TTC4: variants seen among roughly 807,000 people sequenced by gnomAD.
The protein encoded by TTC4 is tetratricopeptide repeat domain 4.
TTC4 carries 36 observed loss-of-function variants against 51.9 expected under a neutral mutation model. That is an observed-to-expected ratio of 0.69 (90% confidence interval 0.53 to 0.92). The LOEUF (loss-of-function observed/expected upper bound fraction) is 0.92. Among genes scored for constraint, TTC4 ranks in the 40% least tolerant of loss-of-function variants. The probability of loss-of-function intolerance (pLI) is 0.00; values close to 1 mark genes in which losing one functional copy is unlikely to be tolerated. For synonymous variants in TTC4, 144 were observed against 164.2 expected (o/e 0.88, Z 0.94); for missense variants, 399 against 454.6 (o/e 0.88, Z 1.11).
chr1:54,723,536 T>G lies in TTC4; in HGVS notation c.594+737T>G, dbSNP rs7527757. Among the ~76,000 whole-genome samples the G allele has an allele frequency of 1.5e-3, 228 of 152,322 alleles. 1 individual carries two copies. The highest frequency in any genetic ancestry group is 5.1e-3 in the African/African-American group (211 of 41,578). On this transcript the variant is annotated intron_variant, in intron 5 of 9. Transcript: ENST00000371281. ...AGTTCTGGCTTTCTATTAACAGGCA[T>G]GTAAGACAGTATTACACAGTGGCTA...
intron 8 of TTC4, 29 bp downstream of exon 8, chr1:54,733,739 T>C: frequency 7.2e-7 from 1 of 1,388,166 alleles, no homozygotes; most frequent in Non-Finnish European, 9.8e-7. Flanking sequence ...CGTTCCTCTA[T>C]GGAATTAATT....
chr1:54,718,695 G>C (rs1280291222), intron 3 of TTC4, among the ~76,000 whole-genome samples: 1 of 152,202 alleles, frequency 6.6e-6, no homozygotes, highest in African/African-American at 2.4e-5. Context: ...CCAACATCAT[G>C]CAGGTTCTGT....
chr1:54,718,897 G>A (rs1645708868), intron 3 of TTC4, among the ~76,000 whole-genome samples: 1 of 152,116 alleles, frequency 6.6e-6, no homozygotes, highest in African/African-American at 2.4e-5. Flanking sequence ...AATGTGCTGT[G>A]TACTCAGTGG....
Position 54,736,243 on chromosome 1 carries a change from AGAG to A in TTC4, c.979-1335_979-1333del, listed in dbSNP as rs1557753127. On this transcript the variant is annotated intron_variant, in intron 8 of 9. Transcript: ENST00000371281. The stretch of plus-strand genomic sequence containing the variant: ...GAGAGAAGAGGAGAGGAGAGAGAAG[AGAG>A]GAGAGAGGAGAGAGAGAGAGAGAGA... 5.3e-4 allele frequency among the ~76,000 whole-genome samples: 64 copies of A among 121,634 alleles called. 3 individuals carry two copies. The highest frequency in any genetic ancestry group is 2.4e-3 in the African/African-American group (57 of 23,894). The allele number at this position is 121,634 out of a possible 152,430, so 79.8% of individuals were successfully genotyped here. A position where few individuals can be genotyped will look rare whatever the true frequency, so the allele number is the denominator to read the frequency against.
At chr1:54,733,093 C>CAA (rs147513724) in intron 7 of TTC4, among the ~76,000 whole-genome samples, 24 of 133,250 alleles carry the variant, frequency 1.8e-4, no homozygotes, top group East Asian at 1.3e-3. Flanking sequence ...GACTTTGTCT[C>CAA]AAAAAAAAAA....
chr1:54,733,935 T>C (rs982057775), intron 8 of TTC4, among the ~76,000 whole-genome samples: 7 of 152,224 alleles, frequency 4.6e-5, no homozygotes, highest in Non-Finnish European at 8.8e-5. Flanking sequence ...CAAAACTTTT[T>C]CATCTTCCCA....
Position 54,731,562 on chromosome 1 carries a change from T to C in TTC4, c.758T>C (p.Leu253Pro), listed in dbSNP as rs1557749577. 2.5e-6 allele frequency: 4 copies of C among 1,614,076 alleles called. No homozygotes were observed. Among genetic ancestry groups the C allele is most frequent in the Non-Finnish European group, 2.5e-6 (3 of 1,180,002 alleles). ...TCAGAAGGTCTAGGTGAGCTTTTCC[T>C]GGATGGACTCAGCACTGAGAACCCC... ...SASEGLGELFLDGLSTENPHG... is the reference protein window; with the variant it reads ...SASEGLGELFPDGLSTENPHG... The change falls in exon 7 of 10, where the codon CTG (leucine) becomes CCG (proline). Residue 253 changes from leucine to proline, a missense_variant. Physicochemically the swap from Leu to Pro is moderately conservative, Grantham distance 98. Coordinates refer to ENST00000371281, the MANE Select transcript of TTC4 (RefSeq NM_004623.5).
At chr1:54,716,536 T>A (rs976759508) in intron 1 of TTC4, 64 bp from the exon 2 acceptor site, 2 of 1,317,990 alleles carry the variant, frequency 1.5e-6, no homozygotes, top group Non-Finnish European at 2.1e-6. Flanking sequence ...TGGTAATGAG[T>A]CATGGAATTG....
intron 9 of TTC4, among the ~76,000 whole-genome samples, chr1:54,740,559 A>G (rs1645999506): frequency 6.6e-6 from 1 of 152,156 alleles, no homozygotes; most frequent in South Asian, 2.1e-4. Flanking sequence ...TGCTTGGAGG[A>G]AACCCGTTTC....
chr1:54,728,249 T>C, intron 5 of TTC4, 97 bp from the exon 6 acceptor site: 1 of 1,090,446 alleles, frequency 9.2e-7, no homozygotes, highest in Non-Finnish European at 1.3e-6. Flanking sequence ...GGAGCTTGGG[T>C]TGGATAGAGG....
chr1:54,718,462 T>G (rs761928378), intron 3 of TTC4, among the ~76,000 whole-genome samples: 4 of 152,306 alleles, frequency 2.6e-5, no homozygotes, highest in Non-Finnish European at 4.4e-5. Flanking sequence ...TTGCCCGGGC[T>G]GGTCTCGAAA....
At chr1:54,718,159 T>G (rs562446259) in intron 3 of TTC4, among the ~76,000 whole-genome samples, 2 of 152,166 alleles carry the variant, frequency 1.3e-5, no homozygotes, top group Admixed American at 6.5e-5. Context: ...GACAGGAGGA[T>G]CGCCTGAGGC....
intron 6 of TTC4, among the ~76,000 whole-genome samples, chr1:54,729,028 G>A (rs562534038): frequency 6.6e-6 from 1 of 152,066 alleles, no homozygotes; most frequent in South Asian, 2.1e-4. Context: ...TGGCATATCC[G>A]AATTGCCAGC....
At chr1:54,723,323 T>C (rs1645765510) in intron 5 of TTC4, among the ~76,000 whole-genome samples, 1 of 152,184 alleles carries the variant, frequency 6.6e-6, no homozygotes, top group Admixed American at 6.5e-5. Context: ...TCAGAATGTA[T>C]CCCCATCAAT....
intron 5 of TTC4, 27 bp from the exon 6 acceptor site, chr1:54,728,319 G>A: frequency 6.2e-7 from 1 of 1,600,862 alleles, no homozygotes; most frequent in South Asian, 1.1e-5. Context: ...GGTCTCTAGA[G>A]CTGATGCATC....
In TTC4 at chr1:54,728,529, A is replaced by G. The variant is rs1645827751; in HGVS notation, c.681+97A>G. 2.8e-5 allele frequency: 34 copies of G among 1,224,292 alleles called. No homozygotes were observed. The South Asian group carries it at 4.8e-4, about 17-fold the overall frequency. The allele number at this position is 1,224,292 out of a possible 1,614,324, so 75.8% of individuals were successfully genotyped here. The stretch of plus-strand genomic sequence containing the variant: ...TTCTTGGGATGCTTTACCTGAAGGA[A>G]TTTGTTCATTTTCTTTCTACTTTGG... On this transcript the variant is annotated intron_variant, in intron 6 of 9. Transcript: ENST00000371281.
Position 54,742,131 on chromosome 1 carries a change from T to C in TTC4, c.*618T>C, listed in dbSNP as rs1187439748. On this transcript the variant is annotated 3_prime_UTR_variant, in exon 10 of 10. Transcript: ENST00000371281. ...TTGCCAATTTTCTTCATCTTTGCCA[T>C]ATGGAGGACTGTGACAGACTTTGGA... The C allele has an allele frequency of 1.3e-5, 2 of 150,270 alleles. No homozygotes were observed. The highest frequency in any genetic ancestry group is 2.9e-5 in the Non-Finnish European group (2 of 68,142). 9.3% of individuals were successfully genotyped at this position (150,270 alleles called of 1,614,324 possible). A position where few individuals can be genotyped will look rare whatever the true frequency, so the allele number is the denominator to read the frequency against.
At position 54,715,918 on chromosome 1, in the gene TTC4, C is replaced by G. The variant is rs1205093773; in HGVS notation, c.10C>G (p.Pro4Ala). The change falls in exon 1 of 10, where the codon CCT (proline) becomes GCT (alanine). Residue 4 changes from proline to alanine, a missense_variant. By Grantham distance (27) the Pro-to-Ala change is conservative (BLOSUM62 -1). Transcript: ENST00000371281. MEQ[P>A]GQDPTSDDVM... ...AGGCAGGGCATCAGCTATGGAACAA[C>G]CTGGGCAGGATCCCACCTCAGACGA... 3 of 1,604,990 alleles carry G rather than the reference C, an allele frequency of 1.9e-6. No individual in the cohort carries two copies. The highest frequency in any genetic ancestry group is 3.4e-5 in the Admixed American group (2 of 59,224).
chr1:54,740,672 T>C (rs1254165862), intron 9 of TTC4, among the ~76,000 whole-genome samples: 1 of 152,134 alleles, frequency 6.6e-6, no homozygotes, highest in Non-Finnish European at 1.5e-5. Flanking sequence ...CTTCAGACCC[T>C]AAACTGGGTG....
Sources: allele counts gnomAD v4.1 joint callset (sites outside exome capture counted in the v4.1 genomes callset), GRCh38; gene constraint gnomAD v4.1.1; transcripts MANE v1.5; gene names NCBI Gene and HGNC (gene_info 2026-07-23, HGNC 2026-07-21).